Variants in NFASC observed in about 807,000 individuals in gnomAD.
NFASC encodes the protein neurofascin.
NFASC carries 43 observed loss-of-function variants against 147.5 expected under a neutral mutation model. That is an observed-to-expected ratio of 0.29 (90% CI 0.23 to 0.38). NFASC has a LOEUF of 0.38. Among genes scored for constraint, NFASC ranks in the 10% least tolerant of loss-of-function variants. The pLI, the probability that NFASC is intolerant of heterozygous loss-of-function variation, is 1.00. For synonymous variants in NFASC, 622 were observed against 665.5 expected, an observed-to-expected ratio of 0.93 and a Z score of 1.01; for missense variants, 1,320 against 1,689.0, an observed-to-expected ratio of 0.78 and a Z score of 3.83.
intron 22 of NFASC, 104 bp from the exon 23 acceptor site, chr1:204,988,529 C>G (rs2095660348): frequency 8.4e-6 from 9 of 1,076,502 alleles, no homozygotes; most frequent in Non-Finnish European, 4.1e-6. Flanking sequence ...CATCATTTCC[C>G]TTTCCAGCAA....
intron 27 of NFASC, among the ~76,000 whole-genome samples, chr1:205,005,452 G>T (rs56039850): frequency 1.3e-5 from 2 of 151,924 alleles, no homozygotes; most frequent in Admixed American, 6.5e-5. Context: ...TGTAAGAGGC[G>T]TGGGGGCCGG....
intron 21 of NFASC, among the ~76,000 whole-genome samples, chr1:204,985,162 G>A (rs146367575): frequency 6.6e-6 from 1 of 152,282 alleles, no homozygotes; most frequent in African/African-American, 2.4e-5. Flanking sequence ...AGGCAGCCTG[G>A]GAGACACTGG....
rs773691537 is a variant in NFASC at position 204,988,618 on chromosome 1, C to T, written c.2594-15C>T. The T allele has an allele frequency of 4.3e-6, 7 of 1,612,220 alleles. No individual in the cohort carries two copies. The South Asian group carries it at 7.7e-5, about 18-fold the overall frequency. ...TGTTGCTAAAGTTTAATTCCACTTA[C>T]CTCTCTCTCCCCAGTTAACGGGACC... is the stretch of plus-strand genomic sequence containing the variant. On this transcript the variant is annotated splice_polypyrimidine_tract_variant and intron_variant, in intron 22 of 29. Transcript: ENST00000339876.
chr1:205,001,437 T>A (rs138100850), intron 26 of NFASC, among the ~76,000 whole-genome samples, 151 bp downstream of exon 26: 1 of 152,058 alleles, frequency 6.6e-6, no homozygotes, highest in Non-Finnish European at 1.5e-5. Context: ...GAAATCGATA[T>A]GCACTCAGGC....
intron 1 of NFASC, among the ~76,000 whole-genome samples, chr1:204,911,936 C>T (rs1011029085): frequency 6.6e-6 from 1 of 152,080 alleles, no homozygotes; most frequent in African/African-American, 2.4e-5. Flanking sequence ...TTTCTTATAG[C>T]CCTGCAGGGG....
chr1:204,992,118 C>T (rs2095750133), intron 24 of NFASC, among the ~76,000 whole-genome samples: 1 of 152,158 alleles, frequency 6.6e-6, no homozygotes, highest in South Asian at 2.1e-4. Flanking sequence ...TCACAGTTGG[C>T]CTGTCCCCAG....
chr1:204,850,659 C>T (rs901686916), intron 1 of NFASC, among the ~76,000 whole-genome samples: 5 of 152,336 alleles, frequency 3.3e-5, no homozygotes, highest in East Asian at 1.9e-4. Flanking sequence ...TCTCCTGCTC[C>T]GCCATGGTAA....
intron 1 of NFASC, among the ~76,000 whole-genome samples, chr1:204,845,307 A>AT (rs1156709297): frequency 6.6e-6 from 1 of 151,590 alleles, no homozygotes; most frequent in Non-Finnish European, 1.5e-5. Context: ...AAAAAAAAAA[A>AT]AATAGCTGGG....
chr1:204,869,500 T>C (rs1194210833), intron 1 of NFASC, among the ~76,000 whole-genome samples: 1 of 152,266 alleles, frequency 6.6e-6, no homozygotes, highest in East Asian at 1.9e-4. Flanking sequence ...ACTATATTAT[T>C]TTATCATTTT....
chr1:204,877,033 A>ATT (rs1288305740), intron 1 of NFASC, among the ~76,000 whole-genome samples: 2 of 95,828 alleles, frequency 2.1e-5, no homozygotes, highest in Admixed American at 1.4e-4. Context: ...TATATAATAT[A>ATT]TATTTATATA....
intron 19 of NFASC, among the ~76,000 whole-genome samples, chr1:204,980,094 T>C (rs2095482660): frequency 6.6e-6 from 1 of 152,252 alleles, no homozygotes; most frequent in East Asian, 1.9e-4. Context: ...GTTGGCTTAC[T>C]GACCACCCAC....
rs79200343 is a variant in NFASC at position 204,866,281 on chromosome 1, C to T, written c.-200+37499C>T. On this transcript the variant is annotated intron_variant, in intron 1 of 29. Transcript: ENST00000339876. ...AGAATCTTGGGATTTGGAGTGTGTG[C>T]GTAGTGGGGGCAGAGAGGATGATCA... Among the ~76,000 whole-genome samples, 2,310 of 152,066 alleles carry T rather than the reference C, an allele frequency of 0.015. 142 individuals carry two copies. In the East Asian group the frequency reaches 0.2, roughly 13 times the overall value.
intron 8 of NFASC, among the ~76,000 whole-genome samples, chr1:204,963,808 G>A (rs1243826084): frequency 6.6e-6 from 1 of 152,136 alleles, no homozygotes; most frequent in African/African-American, 2.4e-5. Context: ...TGGAAGGAAG[G>A]AGGATGACTT....
At chr1:204,910,343 TTC>T (rs1291085891) in intron 1 of NFASC, among the ~76,000 whole-genome samples, 2 of 152,190 alleles carry the variant, frequency 1.3e-5, no homozygotes, top group East Asian at 1.9e-4. Flanking sequence ...TATTTAAAAT[TTC>T]TGTTTCCATA....
At chr1:204,892,648 G>A (rs928837389) in intron 1 of NFASC, among the ~76,000 whole-genome samples, 4 of 152,234 alleles carry the variant, frequency 2.6e-5, no homozygotes, top group African/African-American at 7.2e-5. Flanking sequence ...CATGTTTAAT[G>A]TAAACTATCT....
In NFASC at chr1:204,977,033, AG is replaced by A. The variant is rs2150384453; in HGVS notation, c.1831+242del. The stretch of plus-strand genomic sequence containing the variant: ...TTAACTTCCCCACGTCTCAACTGAA[AG>A]GGGCCTGAGTGATATAGAGAAAGTG... On this transcript the variant is annotated intron_variant, in intron 16 of 29. Coordinates refer to ENST00000339876, the MANE Select transcript of NFASC (RefSeq NM_001005388.3). 3 of 1,293,278 alleles carry A rather than the reference AG, an allele frequency of 2.3e-6. No homozygotes were observed. The East Asian group carries it at 9.2e-5, about 40-fold the overall frequency. 80.1% of individuals were successfully genotyped at this position (1,293,278 alleles called of 1,614,324 possible).
intron 1 of NFASC, among the ~76,000 whole-genome samples, chr1:204,914,757 C>G (rs1404254148): frequency 4.6e-5 from 7 of 152,176 alleles, no homozygotes; most frequent in Admixed American, 1.3e-4. Context: ...TAAATTGTCA[C>G]TACATTCATG....
chr1:204,891,532 G>A (rs545239374), intron 1 of NFASC, among the ~76,000 whole-genome samples: 20 of 152,282 alleles, frequency 1.3e-4, no homozygotes, highest in East Asian at 3.9e-4. Context: ...GGCATACGTC[G>A]TGGCACTGTG....
chr1:204,883,966 C>T (rs2080827350), intron 1 of NFASC, among the ~76,000 whole-genome samples: 2 of 152,192 alleles, frequency 1.3e-5, no homozygotes, highest in African/African-American at 4.8e-5. Flanking sequence ...ACAGGGAACC[C>T]AGGTGGGTAA....
Sources: gnomAD v4.1 joint callset for allele counts (sites outside exome capture counted in the v4.1 genomes callset) on GRCh38, gnomAD v4.1.1 for gene constraint, MANE v1.5 for transcripts, NCBI Gene and HGNC (gene_info 2026-07-23, HGNC 2026-07-21) for gene names.